SCAMP1: variants seen among roughly 807,000 people sequenced by gnomAD.
The protein encoded by SCAMP1 is secretory carrier-associated membrane protein 1.
A neutral mutation model predicts 41.8 loss-of-function variants in SCAMP1; 15 were observed. The observed-to-expected ratio is 0.36, with a 90% confidence interval of 0.24 to 0.55. The LOEUF (loss-of-function observed/expected upper bound fraction) is 0.55, where lower values mean the gene tolerates loss of function less well. Among genes scored for constraint, SCAMP1 ranks in the 20% least tolerant of loss-of-function variants. SCAMP1 has a pLI of 0.86. For synonymous variants in SCAMP1, 135 were observed against 136.8 expected (o/e 0.99, Z 0.09); for missense variants, 341 against 412.6 (o/e 0.83, Z 1.50).
At chr5:78,456,411 T>G (rs62110220) in intron 7 of SCAMP1, among the ~76,000 whole-genome samples, 137 of 152,234 alleles carry the variant, frequency 9.0e-4, no homozygotes, top group African/African-American at 3.1e-3. Context: ...ATTTGCTTGT[T>G]TGTAAAGTAT....
rs142422991 is a variant in SCAMP1, at chr5:78,385,551, G to A, written c.58-3286G>A. ...GTGTGACCTTAGATTGTCTATTTGT[G>A]CTGTTTCAGACTTTTTGATGTAAGC... On this transcript the variant is annotated intron_variant, in intron 1 of 8. Transcript: ENST00000621999. Among the ~76,000 whole-genome samples the A allele has an allele frequency of 3.2e-4, 48 of 152,044 alleles. No individual in the cohort carries two copies. The East Asian group carries it at 7.9e-3, about 25-fold the overall frequency.
chr5:78,435,675 G>A (rs905424133), intron 6 of SCAMP1, among the ~76,000 whole-genome samples: 4 of 152,060 alleles, frequency 2.6e-5, no homozygotes, highest in South Asian at 4.2e-4. Context: ...GAATAGTGCC[G>A]GAGTAAACAT....
intron 7 of SCAMP1, among the ~76,000 whole-genome samples, chr5:78,454,119 C>A (rs1189029689): frequency 3.3e-5 from 5 of 152,230 alleles, no homozygotes; most frequent in South Asian, 4.2e-4. Flanking sequence ...ACAATCATGT[C>A]GTCTGCAAAC....
rs556684395 is a variant in SCAMP1, at chr5:78,443,125, A to C, written c.633-6808A>C. On this transcript the variant is annotated intron_variant, in intron 6 of 8. Transcript: ENST00000621999. ...CTATGCGTGAGGCTGAGGCAGGAGA[A>C]TGGCATGAACCCTGGAGGCAGAGCT... 2.5e-3 allele frequency among the ~76,000 whole-genome samples: 371 copies of C among 149,976 alleles called. 1 individual carries two copies. Among genetic ancestry groups the C allele is most frequent in the Non-Finnish European group, 3.5e-3 (235 of 67,548 alleles).
intron 1 of SCAMP1, 39 bp from the exon 2 acceptor site, chr5:78,388,798 A>T: frequency 9.4e-7 from 1 of 1,067,930 alleles, no homozygotes; most frequent in Non-Finnish European, 1.4e-6. Flanking sequence ...TTTTTAAAGG[A>T]TAAGTAATCT....
At chr5:78,452,340 C>A (rs1469482685) in intron 7 of SCAMP1, among the ~76,000 whole-genome samples, 1 of 123,902 alleles carries the variant, frequency 8.1e-6, no homozygotes, top group African/African-American at 3.0e-5. Flanking sequence ...CCCCCTCCCT[C>A]CCCCCACCCC....
intron 8 of SCAMP1, among the ~76,000 whole-genome samples, chr5:78,461,149 T>C (rs1753601525): frequency 6.6e-6 from 1 of 152,062 alleles, no homozygotes; most frequent in Non-Finnish European, 1.5e-5. Context: ...GCCCAGCCTG[T>C]TTAGTGTTTC....
intron 8 of SCAMP1, among the ~76,000 whole-genome samples, chr5:78,462,196 A>AGTGT (rs58331355): frequency 0.24 from 35,996 of 147,750 alleles, 4,307 homozygotes; most frequent in South Asian, 0.36. Context: ...TGTGTGTAGG[A>AGTGT]GTGTGTGTGT....
Position 78,360,619 on chromosome 5 carries a change from C to T in SCAMP1, c.-53C>T, listed in dbSNP as rs1166501816. The T allele has an allele frequency of 1.6e-5, 25 of 1,553,100 alleles. No homozygotes were observed. Among genetic ancestry groups the T allele is most frequent in the Admixed American group, 1.8e-5 (1 of 54,848 alleles). ...GCGCGCAGGGGGGCGGCGGCCTCGCCTCGTCTCTCTCTCTGCGCCTGGGTC... is the reference window on the plus strand; with the variant it reads ...GCGCGCAGGGGGGCGGCGGCCTCGCTTCGTCTCTCTCTCTGCGCCTGGGTC... On this transcript the variant is annotated 5_prime_UTR_variant, in exon 1 of 9. Coordinates refer to ENST00000621999, the MANE Select transcript of SCAMP1 (RefSeq NM_004866.6).
At chr5:78,407,755 T>C (rs1751969360) in intron 2 of SCAMP1, among the ~76,000 whole-genome samples, 1 of 152,128 alleles carries the variant, frequency 6.6e-6, no homozygotes, top group African/African-American at 2.4e-5. Context: ...CTTCCATTCC[T>C]TTATTATTTC....
rs193144029 is a variant in SCAMP1, at chr5:78,442,431, G to C, written c.633-7502G>C. ...CCACAACCATGCCTGGTTAATTTTTGTATTTTTAGTAGAGACAGAGTTTCA... is the reference window on the plus strand; with the variant it reads ...CCACAACCATGCCTGGTTAATTTTTCTATTTTTAGTAGAGACAGAGTTTCA... On this transcript the variant is annotated intron_variant, in intron 6 of 8. Transcript: ENST00000621999. Among the ~76,000 whole-genome samples, 150 of 152,178 alleles carry C rather than the reference G, an allele frequency of 9.9e-4. 1 individual carries two copies. Among genetic ancestry groups the C allele is most frequent in the Non-Finnish European group, 2.4e-4 (16 of 67,986 alleles).
chr5:78,471,429 T>C (rs1007162280), intron 8 of SCAMP1, among the ~76,000 whole-genome samples: 2 of 152,184 alleles, frequency 1.3e-5, no homozygotes, highest in Non-Finnish European at 2.9e-5. Flanking sequence ...TAGACGTCCA[T>C]ACTTTTTTAA....
chr5:78,439,728 G>A (rs191109585), intron 6 of SCAMP1, among the ~76,000 whole-genome samples: 167 of 152,156 alleles, frequency 1.1e-3, no homozygotes, highest in Non-Finnish European at 1.8e-3. Context: ...TCTGTGTGGC[G>A]TTCTCTGTAT....
At chr5:78,386,662 G>A (rs1007385059) in intron 1 of SCAMP1, among the ~76,000 whole-genome samples, 2 of 152,008 alleles carry the variant, frequency 1.3e-5, no homozygotes, top group African/African-American at 2.4e-5. Context: ...CTTTGTAGTG[G>A]CAAATTCTCT....
intron 6 of SCAMP1, among the ~76,000 whole-genome samples, chr5:78,435,590 G>T (rs141074919): frequency 6.6e-6 from 1 of 152,196 alleles, no homozygotes; most frequent in African/African-American, 2.4e-5. Flanking sequence ...ATTCCATGGT[G>T]TATATGTGCC....
At chr5:78,448,930 G>C (rs529167336) in intron 6 of SCAMP1, among the ~76,000 whole-genome samples, 84 of 151,658 alleles carry the variant, frequency 5.5e-4, no homozygotes, top group Non-Finnish European at 8.4e-4. Flanking sequence ...AACCTGGGAG[G>C]CAGAGGTTGT....
intron 6 of SCAMP1, among the ~76,000 whole-genome samples, chr5:78,422,567 G>A (rs1752364153): frequency 6.6e-6 from 1 of 150,508 alleles, no homozygotes; most frequent in Non-Finnish European, 1.5e-5. Context: ...AGGTGCTGGG[G>A]GAGAAAAAAA....
chr5:78,472,963 G>T (rs530887687), intron 8 of SCAMP1, among the ~76,000 whole-genome samples: 1 of 152,236 alleles, frequency 6.6e-6, no homozygotes, highest in East Asian at 1.9e-4. Context: ...AGGTTGATAA[G>T]ATTTCTATAA....
At position 78,459,361 on chromosome 5, in the gene SCAMP1, A is replaced by T; in HGVS notation, c.851A>T (p.Lys284Ile). 1 of 1,414,110 alleles carries T rather than the reference A, an allele frequency of 7.1e-7. No individual in the cohort carries two copies. 87.6% of individuals were successfully genotyped at this position (1,414,110 alleles called of 1,614,324 possible). ...GTCATCTCACTAGTTATGTTCAAAA[A>T]AGTAAGTGAAATTTTATGTCTAAAT... ...SAVISLVMFK[K>I]VHGLYRTTGA... Residue 284 changes from lysine (K) to isoleucine (I), a missense_variant and splice_region_variant, in exon 8 of 9, where the codon AAA (lysine) becomes ATA (isoleucine). By Grantham distance (102) the Lys-to-Ile change is moderately radical (BLOSUM62 -3). Transcript: ENST00000621999.
Sources: allele counts gnomAD v4.1 joint callset (sites outside exome capture counted in the v4.1 genomes callset), GRCh38; gene constraint gnomAD v4.1.1; transcripts MANE v1.5; gene names NCBI Gene and HGNC (gene_info 2026-07-23, HGNC 2026-07-21).